The following NUFIP1 variants were observed in gnomAD, a reference collection of about 807,000 sequenced individuals.
The protein encoded by NUFIP1 is FMR1-interacting protein NUFIP1.
NUFIP1 carries 38 observed loss-of-function variants against 56.2 expected under a neutral mutation model. That is an observed-to-expected ratio of 0.68 (90% CI 0.52 to 0.89). The LOEUF (loss-of-function observed/expected upper bound fraction) is 0.89, where lower values mean the gene tolerates loss of function less well. NUFIP1 is among the 40% of genes least tolerant of loss of function. The pLI, the probability that NUFIP1 is intolerant of heterozygous loss-of-function variation, is 0.00. For synonymous variants in NUFIP1, 215 were observed against 212.4 expected (o/e 1.01, Z -0.10); for missense variants, 567 against 605.8 (o/e 0.94, Z 0.67).
intron 7 of NUFIP1, among the ~76,000 whole-genome samples, chr13:44,959,060 G>A (rs746736963): frequency 7.9e-5 from 12 of 151,976 alleles, no homozygotes; most frequent in Admixed American, 2.0e-4. Context: ...CACATATTTG[G>A]GCAAATTTGA....
intron 5 of NUFIP1, among the ~76,000 whole-genome samples, chr13:44,977,553 G>A (rs1185091987): frequency 6.6e-6 from 1 of 152,194 alleles, no homozygotes; most frequent in Non-Finnish European, 1.5e-5. Context: ...GAAAAGTAAG[G>A]AGAGAGTAGT....
chr13:44,981,456 T>C (rs1426222335), intron 2 of NUFIP1, among the ~76,000 whole-genome samples: 1 of 152,248 alleles, frequency 6.6e-6, no homozygotes. Context: ...AGTTAAGTTT[T>C]AGAGGAGTCA....
intron 5 of NUFIP1, among the ~76,000 whole-genome samples, chr13:44,969,689 C>A (rs1223274034): frequency 6.6e-6 from 1 of 152,144 alleles, no homozygotes; most frequent in Non-Finnish European, 1.5e-5. Context: ...ATTGCCTATA[C>A]CTTATGCCTC....
At position 44,989,216 on chromosome 13, in the gene NUFIP1, A is replaced by C; in HGVS notation, c.221T>G (p.Leu74Arg). 6.2e-7 allele frequency: 1 copy of C among 1,611,330 alleles called. No individual in the cohort carries two copies. Among genetic ancestry groups the C allele is most frequent in the Non-Finnish European group, 8.5e-7 (1 of 1,178,746 alleles). ...GTCGAAGGGGGGCGGAGCCCCGGGGAGAGACTGGGCCTCCATGGGGGGCTG... is the reference window on the plus strand; with the variant it reads ...GTCGAAGGGGGGCGGAGCCCCGGGGCGAGACTGGGCCTCCATGGGGGGCTG... ...ESQPPMEAQSLPGAPPPFDAQ... is the reference protein window; with the variant it reads ...ESQPPMEAQSRPGAPPPFDAQ... Residue 74 changes from leucine to arginine, a missense_variant, in exon 1 of 10, where the codon CTC becomes CGC. Transcript: ENST00000379161.
chr13:44,980,413 G>A (rs1246691983), intron 3 of NUFIP1, among the ~76,000 whole-genome samples: 2 of 152,184 alleles, frequency 1.3e-5, no homozygotes, highest in Admixed American at 6.5e-5. Flanking sequence ...CAGACTTAAA[G>A]GGGAAAGAAC....
intron 8 of NUFIP1, among the ~76,000 whole-genome samples, chr13:44,948,009 A>T (rs1185000810): frequency 1.3e-5 from 2 of 152,222 alleles, no homozygotes; most frequent in Non-Finnish European, 2.9e-5. Context: ...CATGTTACAG[A>T]TACATGTAAA....
intron 5 of NUFIP1, among the ~76,000 whole-genome samples, chr13:44,975,165 G>A (rs1871927991): frequency 6.6e-6 from 1 of 152,046 alleles, no homozygotes; most frequent in Non-Finnish European, 1.5e-5. Flanking sequence ...GATGTTGGAA[G>A]GGCTCAAGGT....
intron 5 of NUFIP1, among the ~76,000 whole-genome samples, chr13:44,968,860 C>A (rs928055245): frequency 4.6e-5 from 7 of 152,122 alleles, no homozygotes; most frequent in African/African-American, 1.7e-4. Context: ...CTTGTTATAG[C>A]AAGTGGATTT....
intron 6 of NUFIP1, 24 bp from the exon 7 acceptor site, chr13:44,959,598 T>G (rs756281249): frequency 1.5e-5 from 23 of 1,585,786 alleles, no homozygotes; most frequent in Non-Finnish European, 2.0e-5. Context: ...ATTGCAATTT[T>G]TAATATAAAA....
intron 1 of NUFIP1, among the ~76,000 whole-genome samples, chr13:44,983,775 C>T (rs1187641702): frequency 6.6e-6 from 1 of 152,042 alleles, no homozygotes; most frequent in Non-Finnish European, 1.5e-5. Flanking sequence ...CCAGCCTGGG[C>T]CACAGAACAA....
chr13:44,970,353 C>T (rs1337137184), intron 5 of NUFIP1, among the ~76,000 whole-genome samples: 3 of 152,118 alleles, frequency 2.0e-5, no homozygotes, highest in Non-Finnish European at 4.4e-5. Flanking sequence ...CAAAGATGTA[C>T]TTTTGTCAAA....
chr13:44,988,931 G>C, intron 1 of NUFIP1, 94 bp downstream of exon 1: 1 of 1,294,332 alleles, frequency 7.7e-7, no homozygotes, highest in Non-Finnish European at 1.1e-6. Context: ...GAGTGCAGAG[G>C]CAAGGCAGAG....
At chr13:44,954,243 A>C (rs1421983240) in intron 7 of NUFIP1, among the ~76,000 whole-genome samples, 1 of 152,208 alleles carries the variant, frequency 6.6e-6, no homozygotes, top group Non-Finnish European at 1.5e-5. Flanking sequence ...CATTTTTATA[A>C]AATACGAGCT....
rs1310194616 is a variant in NUFIP1 at position 44,980,728 on chromosome 13, A to G, written c.588T>C (p.His196=). The G allele has an allele frequency of 6.3e-7, 1 of 1,591,856 alleles. No homozygotes were observed. The highest frequency in any genetic ancestry group is 8.5e-7 in the Non-Finnish European group (1 of 1,172,678). The stretch of plus-strand genomic sequence containing the variant: ...GACAACTAAGAAAACCTACTTTTGT[A>G]TGTTCAGACATGTGTTTGTCATACT... ...QEKYDKHMSE[H]TKCPELDCSF... Residue 196 remains histidine, a synonymous_variant, in exon 3 of 10, where the codon CAT becomes CAC. Transcript: ENST00000379161.
intron 9 of NUFIP1, 85 bp downstream of exon 9, chr13:44,943,356 AC>A: frequency 9.1e-7 from 1 of 1,096,020 alleles, no homozygotes; most frequent in Non-Finnish European, 1.3e-6. Context: ...AAACAAACAC[AC>A]ACACACACAC....
rs757070451 is a variant in NUFIP1 at position 44,949,777 on chromosome 13, T to C, written c.1083A>G (p.Leu361=). ...TGCCATAGCTACTCATTAGTGAGCA[T>C]AGGGCTGGTGTCACTTCCTTGGGTA... ...SVIPKEVTPA[L]CSLMSSYGSL... is the part of the protein sequence containing the mutation. Residue 361 remains leucine, a synonymous_variant, in exon 8 of 10, where the codon CTA becomes CTG. Transcript: ENST00000379161. 32 of 1,614,168 alleles carry C rather than the reference T, an allele frequency of 2.0e-5. No individual in the cohort carries two copies. The highest frequency in any genetic ancestry group is 1.6e-4 in the South Asian group (15 of 91,078).
chr13:44,959,360 T>C (rs1871343196), intron 7 of NUFIP1, 21 bp downstream of exon 7: 2 of 1,606,898 alleles, frequency 1.2e-6, no homozygotes, highest in Admixed American at 3.4e-5. Context: ...TATAAATACG[T>C]TATTTTCCTG....
In NUFIP1 at chr13:44,940,084, G is replaced by A. The variant is rs766237107; in HGVS notation, c.*1122C>T. Reference sequence around the variant, plus strand: ...TACCTTTAATATAGGCACAATAGAGGTACAAAGAGTAAGCACTCAACAGTG... The same window carrying A: ...TACCTTTAATATAGGCACAATAGAGATACAAAGAGTAAGCACTCAACAGTG... On this transcript the variant is annotated 3_prime_UTR_variant, in exon 10 of 10. Transcript: ENST00000379161. 2.6e-5 allele frequency: 4 copies of A among 152,168 alleles called. No individual in the cohort carries two copies. The highest frequency in any genetic ancestry group is 5.9e-5 in the Non-Finnish European group (4 of 68,034). The allele number at this position is 152,168 out of a possible 1,614,324, so 9.4% of individuals were successfully genotyped here.
At chr13:44,966,081 G>A in intron 5 of NUFIP1, 145 bp from the exon 6 acceptor site, 1 of 437,574 alleles carries the variant, frequency 2.3e-6, no homozygotes, top group Middle Eastern at 6.0e-4. Flanking sequence ...AATTTTTTAA[G>A]AGGGAAAAAA....
Sources: allele counts gnomAD v4.1 joint callset (sites outside exome capture counted in the v4.1 genomes callset), GRCh38; gene constraint gnomAD v4.1.1; transcripts MANE v1.5; gene names NCBI Gene and HGNC (gene_info 2026-07-23, HGNC 2026-07-21).